RPE: variants seen among roughly 807,000 people sequenced by gnomAD.
The protein encoded by RPE is ribulose-5-phosphate-3-epimerase, also known as ribulose-phosphate 3-epimerase.
Under a neutral mutation model 24.6 loss-of-function variants are expected in RPE, and 16 were observed. The observed-to-expected ratio is 0.65, with a 90% CI of 0.44 to 0.99. RPE has a LOEUF of 0.99. Ranked by LOEUF, RPE falls within the 50% of genes least tolerant of loss-of-function variation. The pLI, the probability that RPE is intolerant of heterozygous loss-of-function variation, is 0.00. For synonymous variants in RPE, 93 were observed against 98.4 expected (o/e 0.94, Z 0.33); for missense variants, 240 against 294.5 (o/e 0.81, Z 1.35).
chr2:210,011,498 G>A (rs1276465434), intron 2 of RPE, among the ~76,000 whole-genome samples: 1 of 151,838 alleles, frequency 6.6e-6, no homozygotes, highest in Non-Finnish European at 1.5e-5. Flanking sequence ...TTTCCTTTTA[G>A]CAATCCTGTG....
At chr2:210,018,205 A>G in intron 5 of RPE, 1 of 1,534,874 alleles carries the variant, frequency 6.5e-7, no homozygotes, top group Non-Finnish European at 8.7e-7. Context: ...AATTTTTCCA[A>G]AATACGGAAT....
intron 2 of RPE, among the ~76,000 whole-genome samples, chr2:210,015,765 A>C (rs1404239853): frequency 6.6e-6 from 1 of 152,148 alleles, no homozygotes; most frequent in Non-Finnish European, 1.5e-5. Flanking sequence ...TTGTGGGAAA[A>C]TAGTGTTTTT....
At position 210,019,858 on chromosome 2, in the gene RPE, T is replaced by G. The variant is rs1464496377; in HGVS notation, c.*67T>G. On this transcript the variant is annotated 3_prime_UTR_variant, in exon 6 of 6. Transcript: ENST00000359429. ...TTTACTGGAAAACAGGAATATTGACTACCAAATCACAATGCAATTGAAGCC... is the reference window on the plus strand; with the variant it reads ...TTTACTGGAAAACAGGAATATTGACGACCAAATCACAATGCAATTGAAGCC... 4 of 1,539,472 alleles carry G rather than the reference T, an allele frequency of 2.6e-6. No homozygotes were observed. In the Admixed American group the frequency reaches 8.1e-5, roughly 31 times the overall value.
intron 2 of RPE, among the ~76,000 whole-genome samples, chr2:210,010,005 C>T (rs2093680105): frequency 6.6e-6 from 1 of 152,148 alleles, no homozygotes; most frequent in African/African-American, 2.4e-5. Context: ...TTTTGAGCGT[C>T]CTCTCCCAAA....
chr2:210,019,563 T>C (rs1182540251), intron 5 of RPE, 106 bp from the exon 6 acceptor site: 10 of 1,354,818 alleles, frequency 7.4e-6, no homozygotes, highest in Non-Finnish European at 9.9e-6. Flanking sequence ...TCTCATATGA[T>C]TGAAATGTTG....
intron 1 of RPE, chr2:210,003,513 T>G: frequency 4.2e-6 from 5 of 1,191,158 alleles, no homozygotes; most frequent in Non-Finnish European, 5.6e-6. Context: ...TAATATTGTT[T>G]GGAGTCAGGA....
In RPE at chr2:210,020,771, C is replaced by T. The variant is rs2093844686; in HGVS notation, c.*980C>T. 1 of 159,812 alleles carries T rather than the reference C, an allele frequency of 6.3e-6. No individual in the cohort carries two copies. Among genetic ancestry groups the T allele is most frequent in the African/African-American group, 2.4e-5 (1 of 41,394 alleles). The allele number at this position is 159,812 out of a possible 1,614,324, so 9.9% of individuals were successfully genotyped here. On this transcript the variant is annotated 3_prime_UTR_variant, in exon 6 of 6. Transcript: ENST00000359429. The stretch of plus-strand genomic sequence containing the variant: ...TTCTCATTAAATCTGTAAATCACCT[C>T]TATAAGTAAGTGGTAATAATAAAGC...
chr2:210,014,415 A>C lies in RPE; in HGVS notation c.203-1558A>C, dbSNP rs542074046. Among the ~76,000 whole-genome samples, 5 of 152,252 alleles carry C rather than the reference A, an allele frequency of 3.3e-5. No individual in the cohort carries two copies. In the East Asian group the frequency reaches 9.7e-4, roughly 29 times the overall value. On this transcript the variant is annotated intron_variant, in intron 2 of 5. Transcript: ENST00000359429. ...GGAGTAGGTATTTTAAACCGGCTTG[A>C]ATTTTCCTTGTTTATGATGCAAAGA...
intron 5 of RPE, among the ~76,000 whole-genome samples, chr2:210,019,123 T>G (rs941163594): frequency 1.3e-5 from 2 of 152,204 alleles, no homozygotes; most frequent in African/African-American, 4.8e-5. Flanking sequence ...CTTAAAAACT[T>G]TTTTAAAGCC....
At chr2:210,012,458 C>G (rs2093713579) in intron 2 of RPE, among the ~76,000 whole-genome samples, 1 of 152,174 alleles carries the variant, frequency 6.6e-6, no homozygotes, top group Non-Finnish European at 1.5e-5. Flanking sequence ...AAATCTTGGT[C>G]CCTGAATACA....
intron 1 of RPE, among the ~76,000 whole-genome samples, chr2:210,005,615 A>C (rs538134068): frequency 1.3e-5 from 2 of 151,808 alleles, no homozygotes; most frequent in East Asian, 3.9e-4. Flanking sequence ...TTAATACTGC[A>C]TTTCTGACTT....
At chr2:210,006,791 T>TA (rs1186276787) in intron 1 of RPE, among the ~76,000 whole-genome samples, 1 of 152,232 alleles carries the variant, frequency 6.6e-6, no homozygotes, top group African/African-American at 2.4e-5. Context: ...ACATGCATCT[T>TA]ATCCACAGCC....
intron 1 of RPE, 160 bp from the exon 2 acceptor site, chr2:210,009,497 A>C (rs2093673474): frequency 1.1e-6 from 1 of 951,778 alleles, no homozygotes; most frequent in East Asian, 2.6e-5. Flanking sequence ...AGTAAAACCA[A>C]AATGACCCAT....
Position 210,020,391 on chromosome 2 carries a change from G to A in RPE, c.*600G>A, listed in dbSNP as rs2093841000. On this transcript the variant is annotated 3_prime_UTR_variant, in exon 6 of 6. Transcript: ENST00000359429. Reference sequence around the variant, plus strand: ...TTATCAGGGTGTTTTGTCAAAGCAGGTTATTCAGTGATTCCTCCCCACCAT... The same window carrying A: ...TTATCAGGGTGTTTTGTCAAAGCAGATTATTCAGTGATTCCTCCCCACCAT... 6.0e-6 allele frequency: 1 copy of A among 166,940 alleles called. No individual in the cohort carries two copies. The highest frequency in any genetic ancestry group is 2.4e-5 in the African/African-American group (1 of 41,430). The allele number at this position is 166,940 out of a possible 1,614,324, so 10.3% of individuals were successfully genotyped here.
At chr2:210,002,881 C>G in intron 1 of RPE, 98 bp downstream of exon 1, 1 of 1,601,512 alleles carries the variant, frequency 6.2e-7, no homozygotes, top group Non-Finnish European at 8.5e-7. Context: ...CCTGTACCAC[C>G]GAGCGCCTCA....
intron 1 of RPE, chr2:210,003,303 A>G: frequency 2.6e-6 from 1 of 389,622 alleles, no homozygotes; most frequent in Non-Finnish European, 4.6e-6. Flanking sequence ...AACAGAACCT[A>G]CCGCTTAGGC....
rs2093852566 is a variant in RPE, at chr2:210,021,383, G to A, written c.*1592G>A. On this transcript the variant is annotated 3_prime_UTR_variant, in exon 6 of 6. Transcript: ENST00000359429. Reference sequence around the variant, plus strand: ...TTTATTCAGCTTGGGAAAGCTTTGTGCCATGAATACGTCGCATTTAATAAC... The same window carrying A: ...TTTATTCAGCTTGGGAAAGCTTTGTACCATGAATACGTCGCATTTAATAAC... 1 of 152,444 alleles carries A rather than the reference G, an allele frequency of 6.6e-6. No individual in the cohort carries two copies. Among genetic ancestry groups the A allele is most frequent in the Admixed American group, 6.6e-5 (1 of 15,256 alleles). 9.4% of individuals were successfully genotyped at this position (152,444 alleles called of 1,614,324 possible).
chr2:210,015,090 C>T (rs2093752441), intron 2 of RPE, among the ~76,000 whole-genome samples: 1 of 152,094 alleles, frequency 6.6e-6, no homozygotes, highest in Non-Finnish European at 1.5e-5. Context: ...TGCAGTCTTG[C>T]CTCTCAATTA....
At chr2:210,017,727 G>GTT in intron 5 of RPE, 168 bp downstream of exon 5, 1 of 562,770 alleles carries the variant, frequency 1.8e-6, no homozygotes. Context: ...GCCATAAGTG[G>GTT]ATATGCTTTT....
Sources: gnomAD v4.1 joint callset for allele counts (sites outside exome capture counted in the v4.1 genomes callset) on GRCh38, gnomAD v4.1.1 for gene constraint, MANE v1.5 for transcripts, NCBI Gene and HGNC (gene_info 2026-07-23, HGNC 2026-07-21) for gene names.